TMOD2: variants seen among roughly 807,000 people sequenced by gnomAD.
The protein encoded by TMOD2 is tropomodulin-2.
In TMOD2, 22 loss-of-function variants were observed where a neutral mutation model predicts 39.9. The observed-to-expected ratio is 0.55, with a 90% CI of 0.39 to 0.79. TMOD2 has a LOEUF of 0.79. Ranked by LOEUF, TMOD2 falls within the 30% of genes least tolerant of loss-of-function variation. The probability of loss-of-function intolerance (pLI) is 0.00; values close to 1 mark genes in which losing one functional copy is unlikely to be tolerated. For missense variants in TMOD2, 386 were observed against 413.3 expected (o/e 0.93, Z 0.57); for synonymous variants, 123 against 146.1 (o/e 0.84, Z 1.14).
chr15:51,777,371 C>G (rs2055896654), intron 5 of TMOD2, among the ~76,000 whole-genome samples: 1 of 152,120 alleles, frequency 6.6e-6, no homozygotes, highest in South Asian at 2.1e-4. Flanking sequence ...TTTCATGTTC[C>G]TGAGGATGTT....
In TMOD2 at chr15:51,766,375, T is replaced by C; in HGVS notation, c.-67T>C. The C allele has an allele frequency of 2.7e-6, 4 of 1,467,002 alleles. No homozygotes were observed. Among genetic ancestry groups the C allele is most frequent in the Non-Finnish European group, 3.7e-6 (4 of 1,076,230 alleles). The allele number at this position is 1,467,002 out of a possible 1,614,324, so 90.9% of individuals were successfully genotyped here. ...TTGTGTTTCTTTTTTATTAACAGTA[T>C]TCTGAAGTCTCAGGAAACTGGACCA... On this transcript the variant is annotated splice_region_variant and 5_prime_UTR_variant, in exon 2 of 10. Transcript: ENST00000249700.
chr15:51,756,817 C>T (rs2055745258), intron 1 of TMOD2, among the ~76,000 whole-genome samples: 1 of 152,190 alleles, frequency 6.6e-6, no homozygotes, highest in Non-Finnish European at 1.5e-5. Context: ...GTCCTTCATC[C>T]TCTGCAAGTA....
chr15:51,776,913 AT>A lies in TMOD2; in HGVS notation c.407-16del, dbSNP rs1567239327. 6.2e-7 allele frequency: 1 copy of A among 1,608,782 alleles called. No individual in the cohort carries two copies. The highest frequency in any genetic ancestry group is 8.5e-7 in the Non-Finnish European group (1 of 1,175,300). The stretch of plus-strand genomic sequence containing the variant: ...ATGTGCTTCTCCAAACTTAATGCTC[AT>A]TTGTTGACTGTTTTTAGCTGTCCTT... On this transcript the variant is annotated intron_variant, in intron 4 of 9. Coordinates refer to ENST00000249700, the MANE Select transcript of TMOD2 (RefSeq NM_014548.4).
intron 7 of TMOD2, among the ~76,000 whole-genome samples, chr15:51,796,949 C>A (rs946683199): frequency 2.6e-5 from 4 of 152,308 alleles, no homozygotes; most frequent in South Asian, 4.1e-4. Context: ...CAGACAGTGT[C>A]ATTGGTTCAT....
chr15:51,789,132 AC>A (rs1821581080), intron 7 of TMOD2, among the ~76,000 whole-genome samples: 1 of 152,258 alleles, frequency 6.6e-6, no homozygotes, highest in African/African-American at 2.4e-5. Flanking sequence ...GTACAAAGAC[AC>A]ACATAGGCTC....
intron 2 of TMOD2, among the ~76,000 whole-genome samples, chr15:51,768,030 C>T (rs148045380): frequency 2.0e-5 from 3 of 152,324 alleles, no homozygotes; most frequent in African/African-American, 7.2e-5. Flanking sequence ...AGAGGCTGCT[C>T]TAGCCATCTA....
chr15:51,761,161 G>C (rs2055778162), intron 1 of TMOD2, among the ~76,000 whole-genome samples: 2 of 152,174 alleles, frequency 1.3e-5, no homozygotes. Flanking sequence ...AGCTTACAGG[G>C]AAAAACAGAA....
At chr15:51,759,589 G>T (rs1253131056) in intron 1 of TMOD2, among the ~76,000 whole-genome samples, 1 of 152,144 alleles carries the variant, frequency 6.6e-6, no homozygotes, top group Non-Finnish European at 1.5e-5. Flanking sequence ...TATGTTGCTG[G>T]ATTGAGCAAT....
rs2056147092 is a variant in TMOD2 at position 51,810,181 on chromosome 15, G to A, written c.*1727G>A. On this transcript the variant is annotated 3_prime_UTR_variant, in exon 10 of 10. Transcript: ENST00000249700. ...TTCCTTCCCTTTCACCCATTTAGGT[G>A]TGATGTGTTGGAGTCAACTTGTACA... The A allele has an allele frequency of 6.6e-6, 1 of 152,126 alleles. No individual in the cohort carries two copies. The highest frequency in any genetic ancestry group is 2.1e-4 in the South Asian group (1 of 4,832). 9.4% of individuals were successfully genotyped at this position (152,126 alleles called of 1,614,324 possible).
intron 7 of TMOD2, among the ~76,000 whole-genome samples, chr15:51,795,790 C>T (rs2056047262): frequency 6.6e-6 from 1 of 151,944 alleles, no homozygotes; most frequent in Non-Finnish European, 1.5e-5. Context: ...ACTTGGTCTT[C>T]AGCCATGCTT....
At chr15:51,771,093 G>A (rs1024392546) in intron 3 of TMOD2, among the ~76,000 whole-genome samples, 4 of 152,188 alleles carry the variant, frequency 2.6e-5, no homozygotes, top group Non-Finnish European at 5.9e-5. Flanking sequence ...TGGTTGGTGG[G>A]GGAGTTAGGA....
chr15:51,767,432 A>T (rs2055823548), intron 2 of TMOD2, among the ~76,000 whole-genome samples: 1 of 152,236 alleles, frequency 6.6e-6, no homozygotes, highest in African/African-American at 2.4e-5. Context: ...TATAATCATG[A>T]TACCAAGTTC....
chr15:51,767,616 TA>T (rs2055824579), intron 2 of TMOD2, among the ~76,000 whole-genome samples: 1 of 142,122 alleles, frequency 7.0e-6, no homozygotes, highest in South Asian at 2.2e-4. Context: ...ATTTTTTAAA[TA>T]AAAAGTCAAT....
chr15:51,754,696 G>A (rs1595859072), intron 1 of TMOD2, among the ~76,000 whole-genome samples: 1 of 152,138 alleles, frequency 6.6e-6, no homozygotes, highest in African/African-American at 2.4e-5. Flanking sequence ...AAAAGAAATT[G>A]CCTAGCCAGA....
rs760160464 is a variant in TMOD2 at position 51,776,913 on chromosome 15, A to G, written c.407-19A>G. The G allele has an allele frequency of 5.6e-6, 9 of 1,608,782 alleles. No homozygotes were observed. Among genetic ancestry groups the G allele is most frequent in the South Asian group, 2.2e-5 (2 of 90,880 alleles). ...ATGTGCTTCTCCAAACTTAATGCTC[A>G]TTTGTTGACTGTTTTTAGCTGTCCT... On this transcript the variant is annotated intron_variant, in intron 4 of 9. Coordinates refer to ENST00000249700, the MANE Select transcript of TMOD2 (RefSeq NM_014548.4).
At position 51,773,712 on chromosome 15, in the gene TMOD2, G is replaced by A; in HGVS notation, c.284G>A (p.Gly95Glu). The A allele has an allele frequency of 6.2e-7, 1 of 1,601,798 alleles. No individual in the cohort carries two copies. The highest frequency in any genetic ancestry group is 1.1e-5 in the South Asian group (1 of 88,724). ...TTTTTGTTTTTCTTCTGATTTAAAG[G>A]GAGAGTCTTTATCCCTAAAGAAAAG... Reference protein sequence around the residue: ...DFVPFTGEKKGRVFIPKEKPI... With the variant: ...DFVPFTGEKKERVFIPKEKPI... The change falls in exon 4 of 10, where the codon GGG (glycine) becomes GAG (glutamate). Residue 95 changes from glycine to glutamate, a missense_variant and splice_region_variant. Physicochemically the swap from Gly to Glu is moderately conservative, Grantham distance 98. Transcript: ENST00000249700.
chr15:51,784,244 T>A (rs2055953498), intron 7 of TMOD2: 1 of 152,260 alleles, frequency 6.6e-6, no homozygotes, highest in Non-Finnish European at 1.5e-5. Flanking sequence ...TTTGCTAAAA[T>A]ATGTCACTTA....
chr15:51,775,669 C>T (rs960146810), intron 4 of TMOD2, among the ~76,000 whole-genome samples: 3 of 148,906 alleles, frequency 2.0e-5, no homozygotes, highest in Non-Finnish European at 3.0e-5. Context: ...CCTCCACCTC[C>T]GGAGTTCAAG....
intron 5 of TMOD2, among the ~76,000 whole-genome samples, chr15:51,778,589 A>G (rs1467695300): frequency 6.7e-6 from 1 of 148,494 alleles, no homozygotes; most frequent in African/African-American, 2.5e-5. Context: ...CAATAACCAG[A>G]TCATGTCAGT....
Sources: gnomAD v4.1 joint callset for allele counts (sites outside exome capture counted in the v4.1 genomes callset) on GRCh38, gnomAD v4.1.1 for gene constraint, MANE v1.5 for transcripts, NCBI Gene and HGNC (gene_info 2026-07-23, HGNC 2026-07-21) for gene names.